Variants in ZBTB38 observed in about 807,000 individuals in gnomAD.
The protein encoded by ZBTB38 is zinc finger and BTB domain containing 38, also known as zinc finger and BTB domain-containing protein 38.
Under a neutral mutation model 76.8 loss-of-function variants are expected in ZBTB38, and 20 were observed. That is an observed-to-expected ratio of 0.26 (90% CI 0.18 to 0.38). The LOEUF (loss-of-function observed/expected upper bound fraction) is 0.38. Among genes scored for constraint, ZBTB38 ranks in the 10% least tolerant of loss-of-function variants. The probability of loss-of-function intolerance (pLI) is 1.00; values close to 1 mark genes in which losing one functional copy is unlikely to be tolerated. For synonymous variants in ZBTB38, 504 were observed against 544.2 expected (o/e 0.93, Z 1.03); for missense variants, 1,082 against 1,482.3 (o/e 0.73, Z 4.43).
At chr3:141,382,132 A>G (rs1348265245) in intron 3 of ZBTB38, among the ~76,000 whole-genome samples, 2 of 152,216 alleles carry the variant, frequency 1.3e-5, no homozygotes, top group Non-Finnish European at 2.9e-5. Context: ...TTATGAGCCT[A>G]TAATCCTAGC....
intron 1 of ZBTB38, among the ~76,000 whole-genome samples, chr3:141,340,273 T>G (rs138519323): frequency 1.2e-4 from 18 of 152,350 alleles, no homozygotes; most frequent in Non-Finnish European, 2.5e-4. Flanking sequence ...ATATTCTTCC[T>G]TTTTATTTGT....
intron 4 of ZBTB38, among the ~76,000 whole-genome samples, chr3:141,397,799 G>A (rs1293557366): frequency 6.6e-6 from 1 of 152,144 alleles, no homozygotes; most frequent in Admixed American, 6.5e-5. Context: ...CGTGGTTCAT[G>A]GCACCCCAAA....
chr3:141,427,292 CTT>C, intron 5 of ZBTB38, among the ~76,000 whole-genome samples: 1 of 152,246 alleles, frequency 6.6e-6, no homozygotes, highest in Non-Finnish European at 1.5e-5. Flanking sequence ...TGTCAAGTAA[CTT>C]TTAATTACAA....
intron 1 of ZBTB38, among the ~76,000 whole-genome samples, chr3:141,342,517 C>G (rs1387105625): frequency 6.6e-6 from 1 of 151,742 alleles, no homozygotes; most frequent in Non-Finnish European, 1.5e-5. Context: ...AAGCAATCAA[C>G]CACACAAACA....
At chr3:141,348,676 A>G (rs1055302834) in intron 1 of ZBTB38, among the ~76,000 whole-genome samples, 1 of 152,224 alleles carries the variant, frequency 6.6e-6, no homozygotes, top group African/African-American at 2.4e-5. Context: ...AAAGCACATA[A>G]ACGAGCTAGG....
Position 141,368,833 on chromosome 3 carries a change from C to T in ZBTB38, c.-310+29C>T, listed in dbSNP as rs58006740. On this transcript the variant is annotated intron_variant, in intron 1 of 5. Transcript: ENST00000321464. The stretch of plus-strand genomic sequence containing the variant: ...AGTGAAGGCCCACTTTTGGCCCCCC[C>T]TCACTCAGCGCCCTTCACCGTAGGG... The T allele has an allele frequency of 2.6e-3, 392 of 152,090 alleles. 3 individuals are homozygous for T. The highest frequency in any genetic ancestry group is 8.5e-3 in the African/African-American group (351 of 41,468). 9.4% of individuals were successfully genotyped at this position (152,090 alleles called of 1,614,324 possible). A position where few individuals can be genotyped will look rare whatever the true frequency, so the allele number is the denominator to read the frequency against.
At chr3:141,440,639 G>GT (rs1314876830) in intron 5 of ZBTB38, among the ~76,000 whole-genome samples, 3 of 152,258 alleles carry the variant, frequency 2.0e-5, no homozygotes, top group African/African-American at 4.8e-5. Context: ...AGACCAGAGG[G>GT]TTTTTTTGTG....
chr3:141,330,643 G>T (rs1942819835), intron 1 of ZBTB38, among the ~76,000 whole-genome samples: 1 of 152,200 alleles, frequency 6.6e-6, no homozygotes, highest in Non-Finnish European at 1.5e-5. Flanking sequence ...TGGTTTGAAT[G>T]CTCCCCTCAA....
chr3:141,347,156 G>A (rs1301549241), intron 1 of ZBTB38, among the ~76,000 whole-genome samples: 1 of 152,192 alleles, frequency 6.6e-6, no homozygotes, highest in East Asian at 1.9e-4. Context: ...TGGCATTTCT[G>A]CAGTCATGGG....
chr3:141,446,154 T>A lies in ZBTB38; in HGVS notation c.*178T>A. On this transcript the variant is annotated 3_prime_UTR_variant, in exon 6 of 6. Transcript: ENST00000321464. ...TAATATCTACTTTGGGTTTTAGCAT[T>A]AACTTTATGCAAAGTGCACAAAAAC... The A allele has an allele frequency of 1.8e-6, 1 of 552,064 alleles. No homozygotes were observed. Among genetic ancestry groups the A allele is most frequent in the Non-Finnish European group, 2.9e-6 (1 of 346,250 alleles). 34.2% of individuals were successfully genotyped at this position (552,064 alleles called of 1,614,324 possible).
intron 5 of ZBTB38, among the ~76,000 whole-genome samples, chr3:141,441,206 C>T (rs1188247409): frequency 6.6e-6 from 1 of 152,116 alleles, no homozygotes; most frequent in African/African-American, 2.4e-5. Flanking sequence ...CACTGCCCCT[C>T]ACTATAATAT....
In ZBTB38 at chr3:141,444,663, C is replaced by T. The variant is rs1308170042; in HGVS notation, c.2275C>T (p.Pro759Ser). The change falls in exon 6 of 6, where the codon CCC becomes TCC. Residue 759 changes from proline (P) to serine (S), a missense_variant. By Grantham distance (74) the Pro-to-Ser change is moderately conservative. This residue lies in a region of ZBTB38 where 471 missense variants were observed against 581.0 expected (regional missense o/e 0.81). Transcript: ENST00000321464. The surrounding 1 kb of genome is among the most constrained non-coding windows in gnomAD (Gnocchi z 5.1). ...TCAGTCCCTGAAAGATGACAGTAAG[C>T]CCGAGCCAGATAAAGTGGGTAGGTT... The part of the protein sequence containing the change: ...VSQSLKDDSK[P>S]EPDKVGRFAS... 1 of 1,614,050 alleles carries T rather than the reference C, an allele frequency of 6.2e-7. No homozygotes were observed. The highest frequency in any genetic ancestry group is 1.7e-5 in the Admixed American group (1 of 60,006).
chr3:141,336,993 A>G (rs1330826355), intron 1 of ZBTB38, among the ~76,000 whole-genome samples: 1 of 152,234 alleles, frequency 6.6e-6, no homozygotes, highest in Non-Finnish European at 1.5e-5. Flanking sequence ...AATAGTTTCT[A>G]ATTACGTACA....
exon 1 of ZBTB38, chr3:141,368,502 CTAGT>C (rs1212691576): frequency 6.6e-6 from 1 of 152,268 alleles, no homozygotes; most frequent in Non-Finnish European, 1.5e-5. Flanking sequence ...AGCCAGGAAA[CTAGT>C]TGGGGAGTGG....
intron 5 of ZBTB38, among the ~76,000 whole-genome samples, chr3:141,414,479 A>G (rs114866126): frequency 1.1e-3 from 171 of 152,376 alleles, no homozygotes; most frequent in African/African-American, 3.9e-3. Context: ...CACTTCAGAT[A>G]TAACTATGTC....
intron 4 of ZBTB38, among the ~76,000 whole-genome samples, chr3:141,398,630 G>T: frequency 6.6e-6 from 1 of 152,008 alleles, no homozygotes; most frequent in African/African-American, 2.4e-5. Context: ...CTTGTTTCAT[G>T]TAAATCTCCT....
At chr3:141,438,884 A>G (rs1157663705) in intron 5 of ZBTB38, among the ~76,000 whole-genome samples, 1 of 151,622 alleles carries the variant, frequency 6.6e-6, no homozygotes, top group Non-Finnish European at 1.5e-5. Flanking sequence ...GACGCTGTCG[A>G]CTGGGCTGCA....
intron 1 of ZBTB38, among the ~76,000 whole-genome samples, chr3:141,361,998 G>A (rs1018469128): frequency 7.9e-5 from 12 of 152,076 alleles, no homozygotes; most frequent in Admixed American, 2.0e-4. Context: ...TTATAAAATC[G>A]AAACGAAAGT....
chr3:141,443,016 C>T lies in ZBTB38; in HGVS notation c.628C>T (p.His210Tyr). Reference protein sequence around the residue: ...SLCLERTDVCHEAEPVRTLAE... With the variant: ...SLCLERTDVCYEAEPVRTLAE... ...TTGCCTGGAGAGGACGGACGTCTGC[C>T]ACGAGGCAGAGCCTGTCCGCACACT... The change falls in exon 6 of 6, where the codon CAC becomes TAC. Residue 210 changes from histidine to tyrosine, a missense_variant. His to Tyr is a moderately conservative substitution (Grantham distance 83). Around this residue, in one of 8 missense-constraint regions of ZBTB38, gnomAD observed 324 missense variants for 359.1 expected, o/e 0.90. Coordinates refer to ENST00000321464, the MANE Select transcript of ZBTB38 (RefSeq NM_001376113.1). This position sits in a 1 kb window ranked among gnomAD's most constrained non-coding sequence, Gnocchi z 5.6. The T allele has an allele frequency of 6.2e-7, 1 of 1,614,224 alleles. No homozygotes were observed. The highest frequency in any genetic ancestry group is 8.5e-7 in the Non-Finnish European group (1 of 1,180,040).
Sources: gnomAD v4.1 joint callset for allele counts (sites outside exome capture counted in the v4.1 genomes callset) on GRCh38, gnomAD v4.1.1 for gene constraint, gnomAD v4.1.1 regional missense constraint, Gnocchi (gnomAD v3.1) non-coding constraint, MANE v1.5 for transcripts, NCBI Gene and HGNC (gene_info 2026-07-23, HGNC 2026-07-21) for gene names.